Variants in GFRA2 observed in about 807,000 individuals in gnomAD.
The protein encoded by GFRA2 is GDNF family receptor alpha-2.
Under a neutral mutation model 48.3 loss-of-function variants are expected in GFRA2, and 17 were observed. That is an observed-to-expected ratio of 0.35 (90% CI 0.24 to 0.53). The LOEUF (loss-of-function observed/expected upper bound fraction) is 0.53. GFRA2 is among the 20% of genes least tolerant of loss of function. The pLI, the probability that GFRA2 is intolerant of heterozygous loss-of-function variation, is 0.93. For synonymous variants in GFRA2, 305 were observed against 257.2 expected (o/e 1.19, Z -1.78); for missense variants, 660 against 637.3 (o/e 1.04, Z -0.38).
In GFRA2 at chr8:21,702,996, C is replaced by G; in HGVS notation, c.1046-19G>C. ...GCGTTCCCTGGGATGGGGGTGAGGGCAGATGCAGAGAAGTCAGAACCCACG... is the reference window on the plus strand; with the variant it reads ...GCGTTCCCTGGGATGGGGGTGAGGGGAGATGCAGAGAAGTCAGAACCCACG... On this transcript the variant is annotated intron_variant, in intron 6 of 8. Coordinates refer to ENST00000524240, the MANE Select transcript of GFRA2 (RefSeq NM_001495.5). 6.8e-7 allele frequency: 1 copy of G among 1,479,886 alleles called. No homozygotes were observed. Among genetic ancestry groups the G allele is most frequent in the Non-Finnish European group, 9.0e-7 (1 of 1,116,494 alleles). The allele number at this position is 1,479,886 out of a possible 1,614,324, so 91.7% of individuals were successfully genotyped here. A position where few individuals can be genotyped will look rare whatever the true frequency, so the allele number is the denominator to read the frequency against.
intron 4 of GFRA2, among the ~76,000 whole-genome samples, chr8:21,729,142 C>A (rs1804048457): frequency 6.6e-6 from 1 of 152,178 alleles, no homozygotes; most frequent in African/African-American, 2.4e-5. Context: ...AACCTCTCCG[C>A]CTGGTTCTGG....
intron 1 of GFRA2, among the ~76,000 whole-genome samples, chr8:21,809,593 C>T (rs1056037814): frequency 3.9e-5 from 6 of 152,166 alleles, no homozygotes; most frequent in Non-Finnish European, 8.8e-5. Flanking sequence ...TCCCAAAGTG[C>T]TAGGATTACA....
chr8:21,773,368 C>T (rs1030797251), intron 3 of GFRA2, among the ~76,000 whole-genome samples: 4 of 152,342 alleles, frequency 2.6e-5, no homozygotes, highest in African/African-American at 9.6e-5. Flanking sequence ...ACCACCCCAA[C>T]CACCGCCAGT....
chr8:21,714,330 C>T (rs1287020498), intron 4 of GFRA2, among the ~76,000 whole-genome samples: 1 of 142,064 alleles, frequency 7.0e-6, no homozygotes, highest in African/African-American at 2.6e-5. Context: ...CTCACTGCAA[C>T]CTCCACCTCC....
chr8:21,765,842 A>G (rs2117665748), intron 3 of GFRA2, among the ~76,000 whole-genome samples: 1 of 152,208 alleles, frequency 6.6e-6, no homozygotes, highest in South Asian at 2.1e-4. Context: ...CAAGTACAAA[A>G]TATCGAGTTG....
intron 1 of GFRA2, among the ~76,000 whole-genome samples, chr8:21,783,558 C>T (rs1430065984): frequency 5.3e-5 from 8 of 152,070 alleles, no homozygotes; most frequent in South Asian, 2.1e-4. Context: ...TCTGACTTTA[C>T]GACAAGACAG....
intron 3 of GFRA2, among the ~76,000 whole-genome samples, chr8:21,758,373 C>T (rs1034991940): frequency 3.9e-5 from 6 of 152,190 alleles, no homozygotes; most frequent in East Asian, 1.9e-4. Context: ...ACTTTCCAAT[C>T]GCAAATGTGC....
chr8:21,744,638 AGAC>A (rs1334332072), intron 4 of GFRA2, among the ~76,000 whole-genome samples: 1 of 151,968 alleles, frequency 6.6e-6, no homozygotes, highest in Non-Finnish European at 1.5e-5. Context: ...AAAAACCGAA[AGAC>A]TGTGTTTTTA....
At chr8:21,763,996 CA>C (rs1563254966) in intron 3 of GFRA2, among the ~76,000 whole-genome samples, 17 of 123,758 alleles carry the variant, frequency 1.4e-4, no homozygotes, top group Admixed American at 5.6e-4. Flanking sequence ...CACACACACA[CA>C]CACACACACA....
At chr8:21,699,029 G>A (rs966347958) in intron 7 of GFRA2, among the ~76,000 whole-genome samples, 16 of 152,154 alleles carry the variant, frequency 1.1e-4, no homozygotes, top group African/African-American at 3.6e-4. Flanking sequence ...AGTCCCGCAC[G>A]CAGCAGGTGC....
At position 21,811,074 on chromosome 8, in the gene GFRA2, C is replaced by G. The variant is rs868546688; in HGVS notation, c.-148+1157G>C. On this transcript the variant is annotated intron_variant, in intron 1 of 10. Coordinates refer to the GFRA2 transcript ENST00000517328. Reference sequence around the variant, plus strand: ...CTCAAAAGCAGGCCTGTGGCTGGCCCCTCCTGGGCCCCAGGAGAGAAGGGG... The same window carrying G: ...CTCAAAAGCAGGCCTGTGGCTGGCCGCTCCTGGGCCCCAGGAGAGAAGGGG... 3.9e-5 allele frequency among the ~76,000 whole-genome samples: 6 copies of G among 152,334 alleles called. No homozygotes were observed. The South Asian group carries it at 1.2e-3, about 32-fold the overall frequency.
chr8:21,805,894 C>T (rs76058446), intron 1 of GFRA2, among the ~76,000 whole-genome samples: 3,455 of 152,336 alleles, frequency 0.023, 66 homozygotes, highest in South Asian at 0.035. Context: ...CAAATAACCA[C>T]AGAAGGGCCG....
At chr8:21,755,154 C>T (rs1043833739) in intron 3 of GFRA2, among the ~76,000 whole-genome samples, 24 of 152,252 alleles carry the variant, frequency 1.6e-4, no homozygotes, top group African/African-American at 4.6e-4. Flanking sequence ...TGCCATTAGA[C>T]GTTTGTCCAA....
At chr8:21,703,698 T>A (rs1396033663) in intron 6 of GFRA2, among the ~76,000 whole-genome samples, 1 of 152,184 alleles carries the variant, frequency 6.6e-6, no homozygotes, top group Non-Finnish European at 1.5e-5. Flanking sequence ...TCACCCTTGG[T>A]GCCTCCCTGC....
intron 4 of GFRA2, among the ~76,000 whole-genome samples, chr8:21,739,450 A>G (rs1269359689): frequency 5.9e-5 from 9 of 152,304 alleles, no homozygotes; most frequent in African/African-American, 2.2e-4. Context: ...GATTTAGTGT[A>G]ACTCCTAATC....
intron 4 of GFRA2, among the ~76,000 whole-genome samples, chr8:21,727,665 G>A (rs1402022631): frequency 6.6e-6 from 1 of 152,140 alleles, no homozygotes; most frequent in African/African-American, 2.4e-5. Flanking sequence ...CCAAAACAGC[G>A]GGTTGGACGC....
chr8:21,727,222 T>G (rs565030372), intron 4 of GFRA2, among the ~76,000 whole-genome samples: 1 of 152,348 alleles, frequency 6.6e-6, no homozygotes, highest in Admixed American at 6.5e-5. Context: ...ACCCTCTGTG[T>G]GTCCAGACTG....
At chr8:21,760,728 C>T (rs1805864577) in intron 3 of GFRA2, among the ~76,000 whole-genome samples, 1 of 152,100 alleles carries the variant, frequency 6.6e-6, no homozygotes, top group Non-Finnish European at 1.5e-5. Context: ...TTGTGGAAAG[C>T]CACATAACTC....
rs576248185 is a variant in GFRA2 at position 21,809,258 on chromosome 8, G to A, written c.-148+2973C>T. ...GGAGAGAGCCCTTCTAAGGGCAGGA[G>A]AGAAACAAATGCATGTCCGCTGCAG... On this transcript the variant is annotated intron_variant, in intron 1 of 10. Transcript: ENST00000517328. 7.9e-5 allele frequency among the ~76,000 whole-genome samples: 12 copies of A among 152,354 alleles called. No individual in the cohort carries two copies. The East Asian group carries it at 2.3e-3, about 29-fold the overall frequency.
Sources: allele counts gnomAD v4.1 joint callset (sites outside exome capture counted in the v4.1 genomes callset), GRCh38; gene constraint gnomAD v4.1.1; transcripts MANE v1.5; gene names NCBI Gene and HGNC (gene_info 2026-07-23, HGNC 2026-07-21).